AGPS: variants seen among roughly 807,000 people sequenced by gnomAD.
AGPS encodes alkyldihydroxyacetonephosphate synthase, peroxisomal.
A neutral mutation model predicts 90.7 loss-of-function variants in AGPS; 26 were observed. That is an observed-to-expected ratio of 0.29 (90% CI 0.21 to 0.40). The LOEUF (loss-of-function observed/expected upper bound fraction) is 0.40, where lower values mean the gene tolerates loss of function less well. Among genes scored for constraint, AGPS ranks in the 10% least tolerant of loss-of-function variants. The pLI is 1.00. For synonymous variants in AGPS, 294 were observed against 285.3 expected, an observed-to-expected ratio of 1.03 and a Z score of -0.31; for missense variants, 540 against 816.1, an observed-to-expected ratio of 0.66 and a Z score of 4.12.
At chr2:177,458,904 A>C (rs1687200673) in intron 8 of AGPS, among the ~76,000 whole-genome samples, 1 of 152,246 alleles carries the variant, frequency 6.6e-6, no homozygotes, top group Admixed American at 6.5e-5. Context: ...TGGAGGCATC[A>C]TGCTACCTGA....
chr2:177,489,563 G>C (rs1688190960), intron 11 of AGPS, among the ~76,000 whole-genome samples: 1 of 152,166 alleles, frequency 6.6e-6, no homozygotes, highest in Non-Finnish European at 1.5e-5. Context: ...ATTTGACTAA[G>C]TCAGTCTTGT....
At chr2:177,508,838 A>G (rs759456012) in intron 16 of AGPS, among the ~76,000 whole-genome samples, 54 of 152,166 alleles carry the variant, frequency 3.5e-4, no homozygotes, top group Non-Finnish European at 6.8e-4. Flanking sequence ...AAATCTGGAA[A>G]TTTCACTGGA....
intron 8 of AGPS, among the ~76,000 whole-genome samples, chr2:177,458,277 C>T (rs2105660902): frequency 6.6e-6 from 1 of 152,270 alleles, no homozygotes; most frequent in East Asian, 1.9e-4. Flanking sequence ...TGAAAACTGG[C>T]ACAAGACAAG....
At chr2:177,529,750 G>A (rs2079121076) in intron 19 of AGPS, among the ~76,000 whole-genome samples, 1 of 152,100 alleles carries the variant, frequency 6.6e-6, no homozygotes, top group South Asian at 2.1e-4. Flanking sequence ...CGAACTTTTT[G>A]TCTTAAAACC....
intron 17 of AGPS, among the ~76,000 whole-genome samples, chr2:177,519,004 T>G (rs944828160): frequency 6.6e-6 from 1 of 152,090 alleles, no homozygotes; most frequent in Admixed American, 6.6e-5. Flanking sequence ...AGAGGGTCTG[T>G]GTTCTGTAGA....
intron 1 of AGPS, among the ~76,000 whole-genome samples, chr2:177,415,300 A>G (rs944430419): frequency 2.0e-5 from 3 of 152,178 alleles, no homozygotes; most frequent in Non-Finnish European, 2.9e-5. Flanking sequence ...TTCCTATGCA[A>G]TATATACCCA....
At chr2:177,531,232 C>T (rs942019216) in intron 19 of AGPS, among the ~76,000 whole-genome samples, 1 of 152,122 alleles carries the variant, frequency 6.6e-6, no homozygotes, top group East Asian at 1.9e-4. Flanking sequence ...ATAACTATCC[C>T]TATTTGTAGG....
chr2:177,470,688 G>A (rs1308604080), intron 10 of AGPS, among the ~76,000 whole-genome samples: 1 of 136,536 alleles, frequency 7.3e-6, no homozygotes, highest in African/African-American at 2.7e-5. Context: ...TCCAGCCTGG[G>A]TGATGGAGTG....
chr2:177,412,801 A>G (rs1194202738), intron 1 of AGPS, among the ~76,000 whole-genome samples: 1 of 152,094 alleles, frequency 6.6e-6, no homozygotes, highest in East Asian at 1.9e-4. Context: ...TTATAGCTCT[A>G]TTAGAAGCCA....
Position 177,541,782 on chromosome 2 carries a change from G to A in AGPS, c.*3587G>A, listed in dbSNP as rs1388409552. ...ATGTTCCCAAATGAGCCATCTGTCA[G>A]TATATTCACTTAATTCTTACTAATT... On this transcript the variant is annotated 3_prime_UTR_variant, in exon 20 of 20. Coordinates refer to ENST00000264167, the MANE Select transcript of AGPS (RefSeq NM_003659.4). 3 of 152,160 alleles carry A rather than the reference G, an allele frequency of 2.0e-5. No homozygotes were observed. The highest frequency in any genetic ancestry group is 7.2e-5 in the African/African-American group (3 of 41,446). 9.4% of individuals were successfully genotyped at this position (152,160 alleles called of 1,614,324 possible).
At chr2:177,434,122 C>G (rs899574585) in intron 2 of AGPS, among the ~76,000 whole-genome samples, 4 of 152,136 alleles carry the variant, frequency 2.6e-5, no homozygotes, top group Admixed American at 1.3e-4. Flanking sequence ...ACACCCTTCT[C>G]CCCTATTTTT....
chr2:177,442,451 A>T lies in AGPS; in HGVS notation c.754A>T (p.Thr252Ser). ...TGGCCTGATGTGTCCTGCAGATGAG[A>T]CAAGAACAATTATTTCTTTGGACAC... ...SYGLMCPADE[T>S]RTIISLDTSQ... The change falls in exon 7 of 20, where the codon ACA becomes TCA. Residue 252 changes from threonine (T) to serine (S), a missense_variant. This residue lies in a region of AGPS where 405 missense variants were observed against 692.1 expected (regional missense o/e 0.59). Transcript: ENST00000264167. The T allele has an allele frequency of 6.2e-7, 1 of 1,613,908 alleles. No individual in the cohort carries two copies. Among genetic ancestry groups the T allele is most frequent in the Admixed American group, 1.7e-5 (1 of 60,026 alleles).
intron 2 of AGPS, among the ~76,000 whole-genome samples, chr2:177,431,842 C>T (rs1284372013): frequency 3.3e-5 from 5 of 152,120 alleles, no homozygotes; most frequent in Admixed American, 2.6e-4. Flanking sequence ...ACATGTTTTA[C>T]AGTCAATTTG....
chr2:177,488,357 C>T (rs769306317), intron 11 of AGPS, among the ~76,000 whole-genome samples: 14 of 151,878 alleles, frequency 9.2e-5, no homozygotes, highest in African/African-American at 3.4e-4. Context: ...GGACTACAGG[C>T]GCCCGCCACC....
At chr2:177,450,679 T>G (rs909646894) in intron 8 of AGPS, among the ~76,000 whole-genome samples, 2 of 152,134 alleles carry the variant, frequency 1.3e-5, no homozygotes, top group African/African-American at 4.8e-5. Context: ...TACTATAGCT[T>G]TATCACGAGT....
At chr2:177,505,419 ACTTATTCT>A in intron 14 of AGPS, 79 bp from the exon 15 acceptor site, 2 of 1,200,918 alleles carry the variant, frequency 1.7e-6, no homozygotes, top group Non-Finnish European at 2.5e-6. Flanking sequence ...TGTTATTCAA[ACTTATTCT>A]CTTGACAGCT....
intron 12 of AGPS, 83 bp from the exon 13 acceptor site, chr2:177,497,606 T>A: frequency 1.5e-6 from 1 of 672,456 alleles, no homozygotes; most frequent in East Asian, 3.0e-5. Context: ...TTACTTTCTT[T>A]TAGGATTCTA....
In AGPS at chr2:177,442,487, G is replaced by T. The variant is rs1459032093; in HGVS notation, c.789+1G>T. 6.3e-7 allele frequency: 1 copy of T among 1,595,210 alleles called. No individual in the cohort carries two copies. Among genetic ancestry groups the T allele is most frequent in the Non-Finnish European group, 8.6e-7 (1 of 1,163,188 alleles). On this transcript the variant is annotated splice_donor_variant, in intron 7 of 19. Transcript: ENST00000264167. LOFTEE classifies it high-confidence loss of function. Reference sequence around the variant, plus strand: ...TATTTCTTTGGACACTTCACAAATGGTATTTAATAATTTGAGATATATTTA... The same window carrying T: ...TATTTCTTTGGACACTTCACAAATGTTATTTAATAATTTGAGATATATTTA...
intron 19 of AGPS, among the ~76,000 whole-genome samples, chr2:177,524,365 C>T (rs959590559): frequency 6.6e-6 from 1 of 152,084 alleles, no homozygotes; most frequent in Non-Finnish European, 1.5e-5. Context: ...AAAATTATTA[C>T]AATATGTCTA....
Sources: allele counts gnomAD v4.1 joint callset (sites outside exome capture counted in the v4.1 genomes callset), GRCh38; gene constraint gnomAD v4.1.1; regional missense constraint gnomAD v4.1.1; transcripts MANE v1.5; gene names NCBI Gene and HGNC (gene_info 2026-07-23, HGNC 2026-07-21).